The following ARHGAP15 variants were observed in gnomAD, a reference collection of about 807,000 sequenced individuals.
ARHGAP15 encodes the protein Rho GTPase activating protein 15, also known as rho GTPase-activating protein 15.
Under a neutral mutation model 63.7 loss-of-function variants are expected in ARHGAP15, and 51 were observed. The ratio of observed to expected loss-of-function variants is 0.80; its 90% confidence interval spans 0.64 to 1.01. The LOEUF is 1.01. Among genes scored for constraint, ARHGAP15 ranks in the 50% least tolerant of loss-of-function variants. The pLI is 0.00. For missense variants in ARHGAP15, 560 were observed against 564.6 expected, an observed-to-expected ratio of 0.99 and a Z score of 0.08; for synonymous variants, 191 against 193.8, an observed-to-expected ratio of 0.99 and a Z score of 0.12.
chr2:143,395,656 C>T (rs1687724531), intron 6 of ARHGAP15, among the ~76,000 whole-genome samples: 1 of 151,892 alleles, frequency 6.6e-6, no homozygotes, highest in South Asian at 2.1e-4. Flanking sequence ...GAACAAGTAA[C>T]CATGCATGAG....
intron 10 of ARHGAP15, among the ~76,000 whole-genome samples, chr2:143,541,443 G>A (rs1695048108): frequency 6.6e-6 from 1 of 152,188 alleles, no homozygotes; most frequent in Admixed American, 6.5e-5. Flanking sequence ...TTTGGAGGAG[G>A]AGAGGAGCTC....
chr2:143,168,217 G>A (rs1057413126), intron 2 of ARHGAP15, among the ~76,000 whole-genome samples: 2 of 152,012 alleles, frequency 1.3e-5, no homozygotes, highest in Non-Finnish European at 2.9e-5. Flanking sequence ...GGGCTGGAGG[G>A]TAGTGGTGCA....
intron 2 of ARHGAP15, among the ~76,000 whole-genome samples, chr2:143,159,625 C>G (rs1333048126): frequency 6.6e-6 from 1 of 151,956 alleles, no homozygotes; most frequent in Non-Finnish European, 1.5e-5. Context: ...CACAGACTGT[C>G]AACTCCATTT....
At chr2:143,221,680 C>T (rs1230446208) in intron 4 of ARHGAP15, among the ~76,000 whole-genome samples, 1 of 152,206 alleles carries the variant, frequency 6.6e-6, no homozygotes, top group Non-Finnish European at 1.5e-5. Flanking sequence ...AAACTTTCTT[C>T]TCCCTCGGCA....
chr2:143,754,507 G>T (rs1311840257), intron 13 of ARHGAP15, among the ~76,000 whole-genome samples: 3 of 152,118 alleles, frequency 2.0e-5, no homozygotes. Context: ...ACCCTGCCTA[G>T]ATATACAAAG....
intron 8 of ARHGAP15, among the ~76,000 whole-genome samples, chr2:143,484,527 T>C (rs1413645545): frequency 6.6e-6 from 1 of 151,956 alleles, no homozygotes; most frequent in Non-Finnish European, 1.5e-5. Flanking sequence ...GTAATGATTA[T>C]CTCAAAAATA....
chr2:143,324,627 T>C lies in ARHGAP15; in HGVS notation c.474+74027T>C, dbSNP rs185385026. 3.4e-3 allele frequency among the ~76,000 whole-genome samples: 516 copies of C among 152,258 alleles called. 15 individuals carry two copies. The highest frequency in any genetic ancestry group is 0.029 in the Admixed American group (444 of 15,304). On this transcript the variant is annotated intron_variant, in intron 6 of 13. Transcript: ENST00000295095. ...CTGGGAAAAATCTGTACATTGGTTT[T>C]CAAGCCATAATCTTACGTTCAGATT...
intron 6 of ARHGAP15, among the ~76,000 whole-genome samples, chr2:143,323,820 G>C (rs987405095): frequency 7.3e-6 from 1 of 137,720 alleles, no homozygotes; most frequent in Non-Finnish European, 1.5e-5. Flanking sequence ...GTGAACCCGG[G>C]AAGCGGAGCT....
intron 13 of ARHGAP15, among the ~76,000 whole-genome samples, chr2:143,718,923 A>C (rs538798258): frequency 2.0e-5 from 3 of 152,296 alleles, no homozygotes; most frequent in East Asian, 3.9e-4. Context: ...CACATCCCTC[A>C]ATCTCATTCT....
At chr2:143,424,552 C>G (rs1422817518) in intron 6 of ARHGAP15, among the ~76,000 whole-genome samples, 1 of 151,956 alleles carries the variant, frequency 6.6e-6, no homozygotes, top group Non-Finnish European at 1.5e-5. Flanking sequence ...TTTAGAGATG[C>G]TGTATACTTT....
At chr2:143,674,766 A>G (rs1682742140) in intron 12 of ARHGAP15, among the ~76,000 whole-genome samples, 1 of 152,240 alleles carries the variant, frequency 6.6e-6, no homozygotes, top group Non-Finnish European at 1.5e-5. Flanking sequence ...CCTTGATTTT[A>G]AAATGCGTTA....
At chr2:143,313,718 T>C (rs1452539933) in intron 6 of ARHGAP15, among the ~76,000 whole-genome samples, 2 of 152,142 alleles carry the variant, frequency 1.3e-5, no homozygotes, top group African/African-American at 4.8e-5. Context: ...GTTTTTTGAT[T>C]CTCTCTAATT....
chr2:143,759,711 G>A (rs1030201324), intron 13 of ARHGAP15, among the ~76,000 whole-genome samples: 2 of 152,122 alleles, frequency 1.3e-5, no homozygotes, highest in Non-Finnish European at 1.5e-5. Flanking sequence ...TTGTTCCCCT[G>A]ATATGTGCAC....
In ARHGAP15 at chr2:143,283,727, G is replaced by A. The variant is rs151280044; in HGVS notation, c.474+33127G>A. ...CACATTAAAAAACGTCAATAAGTGT[G>A]AGCCAATGTTTCAGTAGATTTCATC... is the stretch of plus-strand genomic sequence containing the variant. On this transcript the variant is annotated intron_variant, in intron 6 of 13. Coordinates refer to ENST00000295095, the MANE Select transcript of ARHGAP15 (RefSeq NM_018460.4). Among the ~76,000 whole-genome samples, 332 of 152,222 alleles carry A rather than the reference G, an allele frequency of 2.2e-3. 2 individuals are homozygous for A. The highest frequency in any genetic ancestry group is 7.3e-3 in the African/African-American group (305 of 41,524).
intron 12 of ARHGAP15, among the ~76,000 whole-genome samples, chr2:143,654,793 T>G (rs906730549): frequency 2.0e-5 from 3 of 152,200 alleles, no homozygotes; most frequent in African/African-American, 7.2e-5. Context: ...TAATGTTCTC[T>G]TGAATATATG....
chr2:143,556,589 G>A (rs1241662874), intron 11 of ARHGAP15, 104 bp downstream of exon 11: 1 of 790,146 alleles, frequency 1.3e-6, no homozygotes, highest in Admixed American at 2.8e-5. Context: ...ACTTTAACAG[G>A]AGAATGTGAA....
intron 10 of ARHGAP15, among the ~76,000 whole-genome samples, chr2:143,520,376 T>C (rs1221407035): frequency 6.6e-6 from 1 of 152,178 alleles, no homozygotes; most frequent in East Asian, 1.9e-4. Flanking sequence ...ACTTTAATTA[T>C]ACTGTAAGGA....
At chr2:143,505,457 T>C (rs1693267121) in intron 9 of ARHGAP15, among the ~76,000 whole-genome samples, 1 of 152,192 alleles carries the variant, frequency 6.6e-6, no homozygotes, top group Non-Finnish European at 1.5e-5. Context: ...CAGTAGAAAC[T>C]GAAAAATGAG....
chr2:143,714,278 A>G (rs1210481131), intron 13 of ARHGAP15, among the ~76,000 whole-genome samples: 1 of 152,118 alleles, frequency 6.6e-6, no homozygotes, highest in Non-Finnish European at 1.5e-5. Context: ...CCCAAACTCT[A>G]CGTTGGCCCC....
Sources: allele counts gnomAD v4.1 joint callset (sites outside exome capture counted in the v4.1 genomes callset), GRCh38; gene constraint gnomAD v4.1.1; transcripts MANE v1.5; gene names NCBI Gene and HGNC (gene_info 2026-07-23, HGNC 2026-07-21).